The following BSG variants were observed in gnomAD, a reference collection of about 807,000 sequenced individuals.
BSG encodes the protein basigin.
Under a neutral mutation model 43.1 loss-of-function variants are expected in BSG, and 37 were observed. The observed-to-expected ratio is 0.86, with a 90% CI of 0.66 to 1.13. BSG has a LOEUF of 1.13. Among genes scored for constraint, BSG ranks in the 50% most tolerant of loss-of-function variants. BSG has a pLI of 0.00. For synonymous variants in BSG, 309 were observed against 238.7 expected, an observed-to-expected ratio of 1.29 and a Z score of -2.72; for missense variants, 599 against 554.2, an observed-to-expected ratio of 1.08 and a Z score of -0.81.
upstream of BSG, chr19:571,590 G>A: frequency 1.3e-6 from 1 of 779,588 alleles, no homozygotes; most frequent in Middle Eastern, 2.3e-4. Flanking sequence ...GTAACCGCCA[G>A]CCTCTCCTGA....
upstream of BSG, chr19:571,550 G>A: frequency 1.3e-6 from 1 of 779,556 alleles, no homozygotes; most frequent in South Asian, 1.3e-5. Flanking sequence ...CCCCCACAAT[G>A]AAGCAGTCGG....
At chr19:578,900 T>C (rs1349012919) in intron 2 of BSG, 10 of 394,860 alleles carry the variant, frequency 2.5e-5, no homozygotes, top group Non-Finnish European at 5.1e-5. Flanking sequence ...CCAGCTAATT[T>C]TTTGTATTTT....
In BSG at chr19:581,573, C is replaced by A; in HGVS notation, c.1051C>A (p.Pro351Thr). ...CTTCATCTACGAGAAGCGCCGGAAG[C>A]CCGAGGACGTCCTGGATGGTGAGCC... ...IIFIYEKRRK[P>T]EDVLDDDDAG... Residue 351 changes from proline (P) to threonine (T), a missense_variant, in exon 6 of 9, where the codon CCC becomes ACC. Transcript: ENST00000333511. The A allele has an allele frequency of 6.3e-7, 1 of 1,595,770 alleles. No individual in the cohort carries two copies. Among genetic ancestry groups the A allele is most frequent in the Non-Finnish European group, 8.5e-7 (1 of 1,173,284 alleles).
At chr19:572,533 G>A (rs537163143), upstream of BSG, 210 of 1,300,028 alleles carry the variant, frequency 1.6e-4, 1 homozygote, top group African/African-American at 3.0e-3. Context: ...AGATGACGCC[G>A]TGCGTGCGCG....
chr19:571,487 G>C, upstream of BSG: 1 of 777,910 alleles, frequency 1.3e-6, no homozygotes, highest in Non-Finnish European at 2.4e-6. Context: ...GCGTTGCTGA[G>C]AGTCTGGGTT....
At chr19:578,218 C>T in intron 2 of BSG, 97 bp downstream of exon 2, 1 of 1,229,286 alleles carries the variant, frequency 8.1e-7, no homozygotes, top group Non-Finnish European at 1.1e-6. Context: ...CGCCTCCTCC[C>T]CTCTCCGTCC....
chr19:580,742 C>T lies in BSG; in HGVS notation c.752C>T (p.Thr251Ile). 2 of 1,612,632 alleles carry T rather than the reference C, an allele frequency of 1.2e-6. No homozygotes were observed. The highest frequency in any genetic ancestry group is 2.2e-5 in the South Asian group (2 of 91,068). The change falls in exon 5 of 9, where the codon ACT becomes ATT. Residue 251 changes from threonine to isoleucine, a missense_variant. Transcript: ENST00000333511. ...VCKSESVPPV[T>I]DWAWYKITDS... ...AAGTCAGAGTCCGTGCCACCTGTCACTGACTGGGCCTGGTACAAGATCACT... is the reference window on the plus strand; with the variant it reads ...AAGTCAGAGTCCGTGCCACCTGTCATTGACTGGGCCTGGTACAAGATCACT...
upstream of BSG, chr19:572,566 C>CT (rs1321097224): frequency 7.0e-7 from 1 of 1,422,222 alleles, no homozygotes; most frequent in East Asian, 3.1e-5. Context: ...GCCTCCGCCG[C>CT]TTTTTATAGC....
At position 582,980 on chromosome 19, in the gene BSG, C is replaced by G. The variant is rs1982473400; in HGVS notation, c.*236C>G. ...AGCCCGGGAGCTGCTGCCCTGCGGC[C>G]CCGTCTGTGGCTTTCAGCCTCTGGG... On this transcript the variant is annotated 3_prime_UTR_variant, in exon 9 of 9. Transcript: ENST00000333511. 4.5e-6 allele frequency: 1 copy of G among 220,414 alleles called. No homozygotes were observed. The highest frequency in any genetic ancestry group is 9.2e-6 in the Non-Finnish European group (1 of 108,288). 13.7% of individuals were successfully genotyped at this position (220,414 alleles called of 1,614,324 possible). A position where few individuals can be genotyped will look rare whatever the true frequency, so the allele number is the denominator to read the frequency against.
chr19:579,619 AAGG>A lies in BSG; in HGVS notation c.540_542del (p.Glu180del). The A allele has an allele frequency of 6.2e-7, 1 of 1,612,270 alleles. No individual in the cohort carries two copies. The highest frequency in any genetic ancestry group is 8.5e-7 in the Non-Finnish European group (1 of 1,179,734). ...CTGGCTGAAGGGGGGCGTGGTGCTGAAGGAGGACGCGCTGCCCGGCCAGAAAAC... is the reference window on the plus strand; with the variant it reads ...CTGGCTGAAGGGGGGCGTGGTGCTGAAGGACGCGCTGCCCGGCCAGAAAAC... On this transcript the variant is annotated inframe_deletion, in exon 3 of 9. Coordinates refer to ENST00000333511, the MANE Select transcript of BSG (RefSeq NM_001728.4).
intron 2 of BSG, chr19:578,824 G>A (rs572811560): frequency 4.3e-5 from 15 of 351,182 alleles, no homozygotes; most frequent in Middle Eastern, 1.0e-3. Context: ...TCCGCCTCCC[G>A]GGTTCAAGCG....
chr19:581,667 G>A, intron 6 of BSG, 76 bp downstream of exon 6: 1 of 1,463,180 alleles, frequency 6.8e-7, no homozygotes, highest in Non-Finnish European at 9.0e-7. Flanking sequence ...GTCCCTGCCA[G>A]CCCCACCGCT....
intron 1 of BSG, among the ~76,000 whole-genome samples, chr19:577,237 C>G (rs1981856311): frequency 7.0e-6 from 1 of 143,634 alleles, no homozygotes; most frequent in African/African-American, 2.6e-5. Flanking sequence ...CTCCCAGCTT[C>G]CCAAATCCGC....
In BSG at chr19:579,654, C is replaced by A; in HGVS notation, c.570C>A (p.Phe190Leu). 2 of 1,607,274 alleles carry A rather than the reference C, an allele frequency of 1.2e-6. No homozygotes were observed. The highest frequency in any genetic ancestry group is 1.7e-6 in the Non-Finnish European group (2 of 1,177,016). The change falls in exon 3 of 9, where the codon TTC (phenylalanine) becomes TTA (leucine). Residue 190 changes from phenylalanine to leucine, a missense_variant and splice_region_variant. Physicochemically the swap from Phe to Leu is conservative, Grantham distance 22 (BLOSUM62 0). Transcript: ENST00000333511. ...EDALPGQKTEFKVDSDDQWGE... is the reference protein window; with the variant it reads ...EDALPGQKTELKVDSDDQWGE... ...CGCTGCCCGGCCAGAAAACGGAGTT[C>A]AAGTGAGTGCCTGACCACGCCATGC... is the stretch of plus-strand genomic sequence containing the variant.
In BSG at chr19:577,898, C is replaced by T. The variant is rs753123404; in HGVS notation, c.192C>T (p.Asn64=). ...GGTGGTTTGAAGGGCAGGGTCCCAA[C>T]GACACCTGCTCCCAGCTCTGGGACG... is the stretch of plus-strand genomic sequence containing the variant. ...IQWWFEGQGP[N]DTCSQLWDGA... Residue 64 remains asparagine (N), a synonymous_variant, in exon 2 of 9, where the codon AAC becomes AAT. Transcript: ENST00000333511. 16 of 1,594,442 alleles carry T rather than the reference C, an allele frequency of 1.0e-5. No individual in the cohort carries two copies. The highest frequency in any genetic ancestry group is 5.4e-5 in the African/African-American group (4 of 74,662).
chr19:578,291 G>A (rs776832154), intron 2 of BSG, 170 bp downstream of exon 2: 496 of 645,938 alleles, frequency 7.7e-4, no homozygotes, highest in Non-Finnish European at 9.5e-4. Context: ...GGGTGGGCTC[G>A]CCGCCTGACC....
chr19:578,217 C>T (rs945975179), intron 2 of BSG, 96 bp downstream of exon 2: 1 of 1,228,184 alleles, frequency 8.1e-7, no homozygotes, highest in Non-Finnish European at 1.1e-6. Context: ...ACGCCTCCTC[C>T]CCTCTCCGTC....
chr19:577,350 C>T (rs1394893936), intron 1 of BSG, among the ~76,000 whole-genome samples: 1 of 152,194 alleles, frequency 6.6e-6, no homozygotes, highest in African/African-American at 2.4e-5. Flanking sequence ...CAGAGGCCGC[C>T]TGCCCCTTTG....
chr19:575,119 C>A (rs1266870756), intron 1 of BSG: 3 of 152,346 alleles, frequency 2.0e-5, no homozygotes, highest in African/African-American at 7.2e-5. Flanking sequence ...CTGGCCAGAG[C>A]TGCCTGCAGC....
Sources: allele counts gnomAD v4.1 joint callset (sites outside exome capture counted in the v4.1 genomes callset), GRCh38; gene constraint gnomAD v4.1.1; transcripts MANE v1.5; gene names NCBI Gene and HGNC (gene_info 2026-07-23, HGNC 2026-07-21).